Variants in USP48 observed in about 807,000 individuals in gnomAD.
USP48 encodes ubiquitin specific peptidase 48, also known as ubiquitin carboxyl-terminal hydrolase 48.
USP48 carries 43 observed loss-of-function variants against 150.7 expected under a neutral mutation model. The ratio of observed to expected loss-of-function variants is 0.29; its 90% CI spans 0.22 to 0.37. The LOEUF is 0.37. USP48 is among the 10% of genes least tolerant of loss of function. USP48 has a pLI of 1.00. For synonymous variants in USP48, 396 were observed against 425.9 expected, an observed-to-expected ratio of 0.93 and a Z score of 0.86; for missense variants, 813 against 1,249.6, an observed-to-expected ratio of 0.65 and a Z score of 5.27.
At position 21,721,106 on chromosome 1, in the gene USP48, T is replaced by C. The variant is rs1197313429; in HGVS notation, c.1824A>G (p.Glu608=). 2 of 1,614,160 alleles carry C rather than the reference T, an allele frequency of 1.2e-6. No homozygotes were observed. The highest frequency in any genetic ancestry group is 1.7e-6 in the Non-Finnish European group (2 of 1,180,054). ...CATCACCATCTTGCTCATCCAGCTGTTCAAGAGCTAGCTGGCGCCAACTCC... is the reference window on the plus strand; with the variant it reads ...CATCACCATCTTGCTCATCCAGCTGCTCAAGAGCTAGCTGGCGCCAACTCC... ...SLRSWRQLAL[E]QLDEQDGDAE... The change falls in exon 14 of 27, where the codon GAA becomes GAG. Residue 608 remains glutamate (E), a synonymous_variant. Coordinates refer to ENST00000308271, the MANE Select transcript of USP48 (RefSeq NM_032236.8).
rs532857237 is a variant in USP48 at position 21,678,633 on chromosome 1, T to C, written c.*784A>G. ...ATTTTTTATTTTCAAACGTGCCAGG[T>C]ACATTTCCCACTTTTGAATAACAGC... On this transcript the variant is annotated 3_prime_UTR_variant, in exon 27 of 27. Coordinates refer to ENST00000308271, the MANE Select transcript of USP48 (RefSeq NM_032236.8). The C allele has an allele frequency of 6.6e-6, 1 of 152,330 alleles. No individual in the cohort carries two copies. Among genetic ancestry groups the C allele is most frequent in the South Asian group, 2.1e-4 (1 of 4,830 alleles). 9.4% of individuals were successfully genotyped at this position (152,330 alleles called of 1,614,324 possible).
intron 7 of USP48, among the ~76,000 whole-genome samples, chr1:21,747,548 G>C (rs569690995): frequency 1.2e-4 from 18 of 152,068 alleles, no homozygotes; most frequent in African/African-American, 2.6e-4. Flanking sequence ...GAAGGTCAGG[G>C]TAATTCAATT....
Position 21,706,838 on chromosome 1 carries a change from C to G in USP48, c.1994G>C (p.Arg665Thr). ...GCTCCAAGCCTCTTTAGAAACAAGC[C>G]TTCTTTCATTTTCAGATATGCATAA... ...GELCISENER[R>T]LVSKEAWSKL... The change falls in exon 16 of 27, where the codon AGG (arginine) becomes ACG (threonine). Residue 665 changes from arginine to threonine, a missense_variant. Coordinates refer to ENST00000308271, the MANE Select transcript of USP48 (RefSeq NM_032236.8). The G allele has an allele frequency of 6.2e-7, 1 of 1,612,664 alleles. No individual in the cohort carries two copies. Among genetic ancestry groups the G allele is most frequent in the Non-Finnish European group, 8.5e-7 (1 of 1,179,642 alleles).
At chr1:21,741,793 C>A (rs543302125) in intron 8 of USP48, among the ~76,000 whole-genome samples, 1 of 152,112 alleles carries the variant, frequency 6.6e-6, no homozygotes, top group African/African-American at 2.4e-5. Flanking sequence ...CTGGGCAACA[C>A]AGAGAGACCC....
In USP48 at chr1:21,729,639, T is replaced by C. The variant is rs2097751128; in HGVS notation, c.1300+65A>G. The C allele has an allele frequency of 6.4e-7, 1 of 1,562,374 alleles. No individual in the cohort carries two copies. The highest frequency in any genetic ancestry group is 1.4e-5 in the African/African-American group (1 of 74,030). ...GTAACTAAAAGCAATCCATTACTTA[T>C]CATTAATCTTTGAGTATGGCATTCT... On this transcript the variant is annotated intron_variant, in intron 10 of 26. Coordinates refer to ENST00000308271, the MANE Select transcript of USP48 (RefSeq NM_032236.8).
At chr1:21,705,460 G>A (rs2097669468) in intron 19 of USP48, among the ~76,000 whole-genome samples, 1 of 152,174 alleles carries the variant, frequency 6.6e-6, no homozygotes, top group Non-Finnish European at 1.5e-5. Flanking sequence ...CTGGTCACCA[G>A]CAGCGGGGGA....
At chr1:21,759,010 T>C (rs959034463) in intron 1 of USP48, among the ~76,000 whole-genome samples, 22 of 151,806 alleles carry the variant, frequency 1.4e-4, no homozygotes, top group African/African-American at 5.1e-4. Context: ...CTGTCTCTAC[T>C]AGAAATACAA....
intron 1 of USP48, 150 bp downstream of exon 1, chr1:21,782,674 G>T: frequency 7.9e-7 from 1 of 1,258,702 alleles, no homozygotes; most frequent in Non-Finnish European, 1.0e-6. Flanking sequence ...CCCAGGTCGC[G>T]CAGACGGCGC....
At chr1:21,705,028 A>T (rs188092015) in intron 19 of USP48, among the ~76,000 whole-genome samples, 1 of 152,224 alleles carries the variant, frequency 6.6e-6, no homozygotes, top group East Asian at 1.9e-4. Context: ...GCAGAGAGGG[A>T]GGGAGAGAAA....
chr1:21,773,575 C>T (rs879378636), intron 1 of USP48, among the ~76,000 whole-genome samples: 1 of 152,098 alleles, frequency 6.6e-6, no homozygotes, highest in Non-Finnish European at 1.5e-5. Flanking sequence ...TGCTATTTTT[C>T]GCTAATCAGA....
chr1:21,690,772 T>A (rs1035756959), intron 23 of USP48, among the ~76,000 whole-genome samples: 11 of 152,208 alleles, frequency 7.2e-5, no homozygotes, highest in Middle Eastern at 6.8e-3. Flanking sequence ...CAAGCAATCC[T>A]CCCAGCTTAG....
intron 9 of USP48, among the ~76,000 whole-genome samples, chr1:21,731,762 A>G (rs2097757487): frequency 1.3e-5 from 2 of 152,076 alleles, no homozygotes; most frequent in South Asian, 4.2e-4. Context: ...CCAGCTACTC[A>G]GGAGGCTGAT....
At chr1:21,695,247 A>G (rs369949976) in intron 22 of USP48, 26 bp from the exon 23 acceptor site, 2 of 1,573,284 alleles carry the variant, frequency 1.3e-6, no homozygotes, top group Non-Finnish European at 1.7e-6. Flanking sequence ...GAAATGAAGA[A>G]AGCACTGAAA....
intron 9 of USP48, among the ~76,000 whole-genome samples, chr1:21,732,373 C>T (rs1372306709): frequency 6.6e-6 from 1 of 152,184 alleles, no homozygotes; most frequent in Non-Finnish European, 1.5e-5. Context: ...TCTGCCTCAA[C>T]ACTGAGGTCC....
chr1:21,769,950 C>A (rs912292982), intron 1 of USP48, among the ~76,000 whole-genome samples: 2 of 151,902 alleles, frequency 1.3e-5, no homozygotes, highest in African/African-American at 4.8e-5. Context: ...TTCATAATGA[C>A]CAAATACATG....
At chr1:21,706,348 G>A (rs1283262654) in intron 17 of USP48, 119 bp downstream of exon 17, 2 of 1,526,332 alleles carry the variant, frequency 1.3e-6, no homozygotes, top group Admixed American at 2.0e-5. Flanking sequence ...CCCCTGGTTA[G>A]ATAACTAAAC....
intron 15 of USP48, among the ~76,000 whole-genome samples, chr1:21,713,189 C>T (rs999423232): frequency 6.6e-6 from 1 of 151,950 alleles, no homozygotes; most frequent in African/African-American, 2.4e-5. Flanking sequence ...ACTGCAGCCT[C>T]GACCTCCTGG....
chr1:21,749,004 T>C (rs895015895), intron 6 of USP48, among the ~76,000 whole-genome samples: 2 of 152,204 alleles, frequency 1.3e-5, no homozygotes, highest in Non-Finnish European at 2.9e-5. Context: ...TGTTTAAAAT[T>C]ACTGAAACAT....
chr1:21,735,322 G>A (rs1057062741), intron 9 of USP48, among the ~76,000 whole-genome samples: 5 of 152,212 alleles, frequency 3.3e-5, no homozygotes, highest in African/African-American at 1.2e-4. Flanking sequence ...ATTGCTACCT[G>A]GGCGTGGTAG....
Sources: gnomAD v4.1 joint callset for allele counts (sites outside exome capture counted in the v4.1 genomes callset) on GRCh38, gnomAD v4.1.1 for gene constraint, MANE v1.5 for transcripts, NCBI Gene and HGNC (gene_info 2026-07-23, HGNC 2026-07-21) for gene names.